PYGL: variants seen among roughly 807,000 people sequenced by gnomAD.
PYGL encodes glycogen phosphorylase L.
PYGL carries 90 observed loss-of-function variants against 100.1 expected under a neutral mutation model. The ratio of observed to expected loss-of-function variants is 0.90; its 90% CI spans 0.76 to 1.07. PYGL has a LOEUF of 1.07. PYGL is among the 50% of genes least tolerant of loss of function. The pLI, the probability that PYGL is intolerant of heterozygous loss-of-function variation, is 0.00. For missense variants in PYGL, 1,016 were observed against 1,057.6 expected, an observed-to-expected ratio of 0.96 and a Z score of 0.55; for synonymous variants, 373 against 393.0, an observed-to-expected ratio of 0.95 and a Z score of 0.60.
Position 50,910,771 on chromosome 14 carries a change from C to T in PYGL, c.1970-669G>A, listed in dbSNP as rs369487817. Among the ~76,000 whole-genome samples, 348 of 152,296 alleles carry T rather than the reference C, an allele frequency of 2.3e-3. 3 individuals carry two copies. Among genetic ancestry groups the T allele is most frequent in the African/African-American group, 7.9e-3 (328 of 41,564 alleles). Reference sequence around the variant, plus strand: ...TTGTCTGCATTCCTTCTACTTCTCACCTCCTTCCTTCCACTTTTCCTGCAG... The same window carrying T: ...TTGTCTGCATTCCTTCTACTTCTCATCTCCTTCCTTCCACTTTTCCTGCAG... On this transcript the variant is annotated intron_variant, in intron 16 of 19. Transcript: ENST00000216392.
chr14:50,931,022 G>A (rs2050596661), intron 4 of PYGL, among the ~76,000 whole-genome samples: 1 of 152,156 alleles, frequency 6.6e-6, no homozygotes, highest in African/African-American at 2.4e-5. Context: ...ATGGGGCAGT[G>A]TAATTATACA....
intron 7 of PYGL, among the ~76,000 whole-genome samples, chr14:50,918,999 T>C (rs1483864789): frequency 2.0e-5 from 3 of 152,180 alleles, no homozygotes; most frequent in African/African-American, 7.2e-5. Flanking sequence ...TTATTGTAAT[T>C]ACAGTATAAA....
chr14:50,928,774 T>C (rs144090301), intron 4 of PYGL, among the ~76,000 whole-genome samples: 2 of 146,900 alleles, frequency 1.4e-5, no homozygotes, highest in African/African-American at 5.0e-5. Context: ...AAATCTGCCT[T>C]TGTAAGAACA....
Position 50,905,414 on chromosome 14 carries a change from G to T in PYGL, c.2522C>A (p.Ser841Tyr), listed in dbSNP as rs2050321685. 1 of 1,613,206 alleles carries T rather than the reference G, an allele frequency of 6.2e-7. No homozygotes were observed. Among genetic ancestry groups the T allele is most frequent in the Non-Finnish European group, 8.5e-7 (1 of 1,179,278 alleles). Residue 841 changes from serine (S) to tyrosine (Y), a missense_variant, in exon 20 of 20, where the codon TCT becomes TAT. Physicochemically the swap from Ser to Tyr is moderately radical, Grantham distance 144. Coordinates refer to ENST00000216392, the MANE Select transcript of PYGL (RefSeq NM_002863.5). ...SDLKISLSNE[S>Y]NKVNGN is the part of the protein sequence containing the mutation. ...AGTTCAATTTCCATTGACTTTGTTAGATTCATTGGATAGAGAAATCTTTAG... is the reference window on the plus strand; with the variant it reads ...AGTTCAATTTCCATTGACTTTGTTATATTCATTGGATAGAGAAATCTTTAG...
chr14:50,942,757 G>C (rs1490304694), intron 1 of PYGL, among the ~76,000 whole-genome samples: 1 of 101,816 alleles, frequency 9.8e-6, no homozygotes, highest in Non-Finnish European at 2.3e-5. Flanking sequence ...GGAGGCGAAG[G>C]ATGCAGTGAG....
chr14:50,927,672 A>T (rs868487658), intron 4 of PYGL, among the ~76,000 whole-genome samples: 3 of 152,188 alleles, frequency 2.0e-5, no homozygotes, highest in Non-Finnish European at 4.4e-5. Context: ...GCTGTTCTTT[A>T]TTGTGAATCT....
At chr14:50,923,043 G>A (rs1006893365) in intron 5 of PYGL, among the ~76,000 whole-genome samples, 1 of 152,332 alleles carries the variant, frequency 6.6e-6, no homozygotes, top group South Asian at 2.1e-4. Flanking sequence ...TAATTCATGT[G>A]ATGACTTCAA....
Position 50,914,583 on chromosome 14 carries a change from C to G in PYGL, c.1518+118G>C. ...CAGCATGGAGTCCTGTGTGACTGCACAAACCACATGCTGAGGAAGCCAGCC... is the reference window on the plus strand; with the variant it reads ...CAGCATGGAGTCCTGTGTGACTGCAGAAACCACATGCTGAGGAAGCCAGCC... On this transcript the variant is annotated intron_variant, in intron 12 of 19. Transcript: ENST00000216392. 3 of 790,310 alleles carry G rather than the reference C, an allele frequency of 3.8e-6. No homozygotes were observed. In the Admixed American group the frequency reaches 6.0e-5, roughly 16 times the overall value. 49.0% of individuals were successfully genotyped at this position (790,310 alleles called of 1,614,324 possible).
chr14:50,920,758 A>G lies in PYGL; in HGVS notation c.773-135T>C. The G allele has an allele frequency of 5.5e-6, 6 of 1,088,738 alleles. No individual in the cohort carries two copies. The South Asian group carries it at 8.0e-5, about 14-fold the overall frequency. The allele number at this position is 1,088,738 out of a possible 1,614,324, so 67.4% of individuals were successfully genotyped here. On this transcript the variant is annotated intron_variant, in intron 6 of 19. Transcript: ENST00000216392. Reference sequence around the variant, plus strand: ...TAAAAATCCCAAAGGATTTCAACACACCGTCATGCTGGACTTCACATGAGA... The same window carrying G: ...TAAAAATCCCAAAGGATTTCAACACGCCGTCATGCTGGACTTCACATGAGA...
chr14:50,924,841 T>G (rs2050532653), intron 4 of PYGL, among the ~76,000 whole-genome samples: 1 of 152,230 alleles, frequency 6.6e-6, no homozygotes, highest in Non-Finnish European at 1.5e-5. Context: ...AAACTATGGT[T>G]TCTATTTAGG....
chr14:50,932,498 T>A (rs975704107), intron 3 of PYGL, among the ~76,000 whole-genome samples: 2 of 152,212 alleles, frequency 1.3e-5, no homozygotes, highest in Admixed American at 1.3e-4. Context: ...CTGTCTTTTT[T>A]CCATGAGGGG....
At position 50,944,182 on chromosome 14, in the gene PYGL, G is replaced by A. The variant is rs2050728409; in HGVS notation, c.222C>T (p.His74=). ...TTACCTTGGGGCACTTGTCGTAGTA[G>A]TGCTGCTGCGTGCGGATCCAGCGCC... is the stretch of plus-strand genomic sequence containing the variant. ...LVGRWIRTQQ[H]YYDKCPKRVY... is the part of the protein sequence containing the mutation. Residue 74 remains histidine (H), a synonymous_variant, in exon 1 of 20, where the codon CAC becomes CAT. Coordinates refer to ENST00000216392, the MANE Select transcript of PYGL (RefSeq NM_002863.5). 6.2e-7 allele frequency: 1 copy of A among 1,608,572 alleles called. No individual in the cohort carries two copies. The highest frequency in any genetic ancestry group is 8.5e-7 in the Non-Finnish European group (1 of 1,179,578).
In PYGL at chr14:50,915,977, G is replaced by T. The variant is rs147211684; in HGVS notation, c.1093-6C>A. On this transcript the variant is annotated splice_region_variant and splice_polypyrimidine_tract_variant and intron_variant, in intron 9 of 19. Transcript: ENST00000216392. ...TTCTGGGTGAGCTCCCATGCCTGGGGGAAAGGAAGGAGTCAGCTGCTTGCC... is the reference window on the plus strand; with the variant it reads ...TTCTGGGTGAGCTCCCATGCCTGGGTGAAAGGAAGGAGTCAGCTGCTTGCC... 13,806 of 1,613,928 alleles carry T rather than the reference G, an allele frequency of 8.6e-3. 155 individuals are homozygous for T. The highest frequency in any genetic ancestry group is 0.03 in the South Asian group (2,770 of 91,082).
chr14:50,918,106 A>C (rs562190413), intron 7 of PYGL, among the ~76,000 whole-genome samples: 1 of 152,352 alleles, frequency 6.6e-6, no homozygotes, highest in East Asian at 1.9e-4. Context: ...ATTGTCAGGG[A>C]GATGCAAATT....
At chr14:50,912,495 C>T (rs557803004) in intron 13 of PYGL, 192 bp from the exon 14 acceptor site, 6 of 670,098 alleles carry the variant, frequency 9.0e-6, no homozygotes, top group South Asian at 3.6e-5. Flanking sequence ...GTATACACCA[C>T]TACTGCCTGG....
chr14:50,922,659 G>C (rs1347848735), intron 5 of PYGL, among the ~76,000 whole-genome samples: 1 of 152,138 alleles, frequency 6.6e-6, no homozygotes, highest in African/African-American at 2.4e-5. Context: ...ATGTGGCTGG[G>C]ACACTAGGGC....
At position 50,911,882 on chromosome 14, in the gene PYGL, GAAGGTCA is replaced by G. The variant is rs753293200; in HGVS notation, c.1828-18_1828-12del. 3.1e-6 allele frequency: 5 copies of G among 1,613,992 alleles called. No homozygotes were observed. In the African/African-American group the frequency reaches 6.7e-5, roughly 22 times the overall value. On this transcript the variant is annotated splice_polypyrimidine_tract_variant and intron_variant, in intron 15 of 19. Coordinates refer to ENST00000216392, the MANE Select transcript of PYGL (RefSeq NM_002863.5). The stretch of plus-strand genomic sequence containing the variant: ...ATATCCTGGGGCAGCCTTTGGGGAA[GAAGGTCA>G]AACGCATTGACAGAAGGCAGCCATG...
intron 2 of PYGL, among the ~76,000 whole-genome samples, chr14:50,936,022 G>A (rs2050651071): frequency 6.6e-6 from 1 of 152,234 alleles, no homozygotes; most frequent in Non-Finnish European, 1.5e-5. Context: ...ACACAGCAGA[G>A]TCCACAGCAC....
rs994672794 is a variant in PYGL at position 50,921,040 on chromosome 14, G to C, written c.688C>G (p.Pro230Ala). ...GTGTTATTCATGTAGCCGGGCACGG[G>C]GGTGTCATATGGCAGAGCCAGGACC... is the stretch of plus-strand genomic sequence containing the variant. The part of the protein sequence containing the change: ...QVVLALPYDT[P>A]VPGYMNNTVN... Residue 230 changes from proline (P) to alanine (A), a missense_variant, in exon 6 of 20, where the codon CCC becomes GCC. Pro to Ala is a conservative substitution (Grantham distance 27). Transcript: ENST00000216392. The C allele has an allele frequency of 6.2e-7, 1 of 1,614,098 alleles. No homozygotes were observed. The highest frequency in any genetic ancestry group is 1.3e-5 in the African/African-American group (1 of 74,940).
Sources: gnomAD v4.1 joint callset for allele counts (sites outside exome capture counted in the v4.1 genomes callset) on GRCh38, gnomAD v4.1.1 for gene constraint, MANE v1.5 for transcripts, NCBI Gene and HGNC (gene_info 2026-07-23, HGNC 2026-07-21) for gene names.